Variants in SEC31A observed in about 807,000 individuals in gnomAD.
SEC31A encodes the protein SEC31 homolog A, COPII component, also known as protein transport protein Sec31A.
Under a neutral mutation model 151.0 loss-of-function variants are expected in SEC31A, and 70 were observed. The observed-to-expected ratio is 0.46, with a 90% CI of 0.38 to 0.57. SEC31A has a LOEUF of 0.57. SEC31A is among the 20% of genes least tolerant of loss of function. The pLI is 0.00. For synonymous variants in SEC31A, 475 were observed against 505.9 expected (o/e 0.94, Z 0.82); for missense variants, 1,330 against 1,471.2 (o/e 0.90, Z 1.57).
chr4:82,834,499 C>A (rs547304843), intron 22 of SEC31A, among the ~76,000 whole-genome samples: 1 of 152,230 alleles, frequency 6.6e-6, no homozygotes, highest in African/African-American at 2.4e-5. Context: ...AAATCAAATT[C>A]TAAATTAGGG....
intron 5 of SEC31A, 75 bp downstream of exon 5, chr4:82,875,652 A>C: frequency 2.6e-6 from 2 of 779,432 alleles, no homozygotes; most frequent in Non-Finnish European, 4.3e-6. Flanking sequence ...GAAGCCTTAA[A>C]AGTGAAATAA....
chr4:82,878,652 T>C, intron 4 of SEC31A, 78 bp downstream of exon 4: 6 of 1,220,550 alleles, frequency 4.9e-6, no homozygotes, highest in Middle Eastern at 1.9e-4. Context: ...ATTCCAAAAC[T>C]GAGGCATAGT....
In SEC31A at chr4:82,864,356, C is replaced by G; in HGVS notation, c.1434+6G>C. On this transcript the variant is annotated splice_donor_region_variant and intron_variant, in intron 11 of 26. Coordinates refer to ENST00000395310, the MANE Select transcript of SEC31A (RefSeq NM_001077207.4). ...GAAATAATATAGCTTTAAACAGCAA[C>G]TTTACCTTCAAAAAGGACCACACAT... The G allele has an allele frequency of 6.3e-7, 1 of 1,596,852 alleles. No homozygotes were observed. The highest frequency in any genetic ancestry group is 8.6e-7 in the Non-Finnish European group (1 of 1,164,434).
chr4:82,876,113 T>G (rs1263071898), intron 4 of SEC31A, among the ~76,000 whole-genome samples: 4 of 76,362 alleles, frequency 5.2e-5, no homozygotes, highest in Non-Finnish European at 9.5e-5. Context: ...AATTCTTTTT[T>G]TTTTTTTTTT....
At chr4:82,845,538 A>G (rs1729886533) in intron 20 of SEC31A, among the ~76,000 whole-genome samples, 1 of 152,184 alleles carries the variant, frequency 6.6e-6, no homozygotes, top group South Asian at 2.1e-4. Context: ...AGAAAAATCA[A>G]TATGAAAACC....
At chr4:82,853,311 G>A (rs1731853454) in intron 18 of SEC31A, among the ~76,000 whole-genome samples, 1 of 152,164 alleles carries the variant, frequency 6.6e-6, no homozygotes, top group South Asian at 2.1e-4. Flanking sequence ...CCCTAGAGCT[G>A]TTTTCAATCC....
rs1194550335 is a variant in SEC31A at position 82,827,451 on chromosome 4, A to C, written c.3209T>G (p.Leu1070Arg). ...AGATGGTGGCATGCCTGTTTGACCA[A>C]GAGGTTGCTGTACGCCATGGAAGGG... ...GQPFHGVQQP[L>R]GQTGMPPSFS... is the part of the protein sequence containing the mutation. Residue 1070 changes from leucine to arginine, a missense_variant, in exon 24 of 27, where the codon CTT becomes CGT. Transcript: ENST00000395310. 4.3e-6 allele frequency: 7 copies of C among 1,614,212 alleles called. No individual in the cohort carries two copies. The highest frequency in any genetic ancestry group is 5.9e-6 in the Non-Finnish European group (7 of 1,180,036).
intron 10 of SEC31A, 91 bp downstream of exon 10, chr4:82,866,717 C>T: frequency 8.9e-7 from 1 of 1,119,076 alleles, no homozygotes; most frequent in African/African-American, 1.6e-5. Context: ...CAACTTAAAC[C>T]CTGATTGCTT....
In SEC31A at chr4:82,842,403, G is replaced by A. The variant is rs751422373; in HGVS notation, c.2705C>T (p.Pro902Leu). The A allele has an allele frequency of 5.6e-6, 9 of 1,614,002 alleles. No homozygotes were observed. The highest frequency in any genetic ancestry group is 7.6e-6 in the Non-Finnish European group (9 of 1,179,982). ...GGTGTTAGGGTAAGCGTTTGAAGTAGGAGGAGCAACAGGCTGCTGAGGTCG... is the reference window on the plus strand; with the variant it reads ...GGTGTTAGGGTAAGCGTTTGAAGTAAGAGGAGCAACAGGCTGCTGAGGTCG... Reference protein sequence around the residue: ...MYRPQQPVAPPTSNAYPNTPY... With the variant: ...MYRPQQPVAPLTSNAYPNTPY... The change falls in exon 22 of 27, where the codon CCT (proline) becomes CTT (leucine). Residue 902 changes from proline (P) to leucine (L), a missense_variant. Coordinates refer to ENST00000395310, the MANE Select transcript of SEC31A (RefSeq NM_001077207.4).
At chr4:82,865,296 C>T (rs1360343497) in intron 10 of SEC31A, among the ~76,000 whole-genome samples, 1 of 152,006 alleles carries the variant, frequency 6.6e-6, no homozygotes, top group Admixed American at 6.6e-5. Flanking sequence ...TTGTGCACCA[C>T]TAGTGAGAAT....
rs1382250627 is a variant in SEC31A, at chr4:82,870,415, C to A, written c.792G>T (p.Leu264Phe). Residue 264 changes from leucine (L) to phenylalanine (F), a missense_variant, in exon 8 of 27, where the codon TTG (leucine) becomes TTT (phenylalanine). Physicochemically the swap from Leu to Phe is conservative, Grantham distance 22. Coordinates refer to ENST00000395310, the MANE Select transcript of SEC31A (RefSeq NM_001077207.4). ...GATCTGCCATGCTCCAAGCAATTGC[C>A]AAAATCCCCCTATAAAAAACATAAA... ...RVLENHARGI[L>F]AIAWSMADPE... is the part of the protein sequence containing the mutation. 5.6e-6 allele frequency: 9 copies of A among 1,611,410 alleles called. No individual in the cohort carries two copies. Among genetic ancestry groups the A allele is most frequent in the Non-Finnish European group, 7.6e-6 (9 of 1,178,418 alleles).
intron 6 of SEC31A, among the ~76,000 whole-genome samples, chr4:82,873,415 C>T (rs560957167): frequency 6.6e-6 from 1 of 151,268 alleles, no homozygotes; most frequent in African/African-American, 2.4e-5. Context: ...AAACCCCATA[C>T]TTTTCCTCTA....
intron 9 of SEC31A, 49 bp downstream of exon 9, chr4:82,867,106 C>T (rs747270255): frequency 6.4e-7 from 1 of 1,566,962 alleles, no homozygotes; most frequent in Non-Finnish European, 8.8e-7. Flanking sequence ...TTACACAACA[C>T]ATACTTTTTT....
At chr4:82,827,733 AC>A in intron 23 of SEC31A, 101 bp from the exon 24 acceptor site, 1 of 1,204,866 alleles carries the variant, frequency 8.3e-7, no homozygotes, top group South Asian at 1.5e-5. Flanking sequence ...CCACGGCTAA[AC>A]AAATTTTTTA....
chr4:82,833,730 C>T (rs1436344882), intron 22 of SEC31A, among the ~76,000 whole-genome samples: 1 of 152,018 alleles, frequency 6.6e-6, no homozygotes, highest in Non-Finnish European at 1.5e-5. Context: ...GTATGTCAGA[C>T]ATATAACTCA....
At position 82,867,180 on chromosome 4, in the gene SEC31A, C is replaced by A. The variant is rs372522204; in HGVS notation, c.1019G>T (p.Gly340Val). 1.9e-6 allele frequency: 3 copies of A among 1,613,752 alleles called. No homozygotes were observed. The highest frequency in any genetic ancestry group is 2.5e-6 in the Non-Finnish European group (3 of 1,179,820). Residue 340 changes from glycine (G) to valine (V), a missense_variant, in exon 9 of 27, where the codon GGT becomes GTT. Transcript: ENST00000395310. ...CTTGTCAACTTGTTTCTGTCTTAAA[C>A]CATCTGTGCTACCTCCCATGATAGA... ...VYSIMGGSTD[G>V]LRQKQVDKLS...
At chr4:82,843,399 A>G (rs1187649561) in intron 21 of SEC31A, among the ~76,000 whole-genome samples, 4 of 152,160 alleles carry the variant, frequency 2.6e-5, no homozygotes, top group Admixed American at 1.3e-4. Flanking sequence ...TCAGCCTCCC[A>G]AAGTGCTGGG....
At chr4:82,878,688 G>T in intron 4 of SEC31A, 42 bp downstream of exon 4, 3 of 1,508,708 alleles carry the variant, frequency 2.0e-6, no homozygotes, top group Non-Finnish European at 1.8e-6. Flanking sequence ...TTTCAAATGA[G>T]CAGCACATAG....
intron 4 of SEC31A, 141 bp from the exon 5 acceptor site, chr4:82,875,963 A>C (rs1379445570): frequency 4.5e-6 from 2 of 445,462 alleles, no homozygotes; most frequent in African/African-American, 4.1e-5. Flanking sequence ...CATATGCATG[A>C]ATTTCTAAAT....
Sources: gnomAD v4.1 joint callset for allele counts (sites outside exome capture counted in the v4.1 genomes callset) on GRCh38, gnomAD v4.1.1 for gene constraint, MANE v1.5 for transcripts, NCBI Gene and HGNC (gene_info 2026-07-23, HGNC 2026-07-21) for gene names.